Variants in TP53BP1 observed in about 807,000 individuals in gnomAD.
TP53BP1 encodes the protein tumor protein p53 binding protein 1.
Under a neutral mutation model 200.8 loss-of-function variants are expected in TP53BP1, and 61 were observed. The observed-to-expected ratio is 0.30, with a 90% CI of 0.25 to 0.38. The LOEUF is 0.38. TP53BP1 is among the 10% of genes least tolerant of loss of function. The probability of loss-of-function intolerance (pLI) is 1.00; values close to 1 mark genes in which losing one functional copy is unlikely to be tolerated. For synonymous variants in TP53BP1, 822 were observed against 844.3 expected (o/e 0.97, Z 0.46); for missense variants, 2,144 against 2,371.9 (o/e 0.90, Z 2.00).
intron 23 of TP53BP1, among the ~76,000 whole-genome samples, chr15:43,413,560 TAC>T (rs918382457): frequency 8.5e-5 from 13 of 152,228 alleles, no homozygotes; most frequent in African/African-American, 2.7e-4. Flanking sequence ...ATTTAAATTT[TAC>T]ACAGTCATGA....
At position 43,407,273 on chromosome 15, in the gene TP53BP1, AT is replaced by A; in HGVS notation, c.*109del. The A allele has an allele frequency of 1.1e-6, 1 of 879,736 alleles. No individual in the cohort carries two copies. The highest frequency in any genetic ancestry group is 1.8e-6 in the Non-Finnish European group (1 of 563,294). 54.5% of individuals were successfully genotyped at this position (879,736 alleles called of 1,614,324 possible). A position where few individuals can be genotyped will look rare whatever the true frequency, so the allele number is the denominator to read the frequency against. The stretch of plus-strand genomic sequence containing the variant: ...TCATAAAAGTTCAGCAAATAAAACT[AT>A]ATACAAGATCCATGCAAGGAATCCA... On this transcript the variant is annotated 3_prime_UTR_variant, in exon 28 of 28. Coordinates refer to ENST00000382044, the MANE Select transcript of TP53BP1 (RefSeq NM_001141980.3).
intron 17 of TP53BP1, among the ~76,000 whole-genome samples, chr15:43,428,678 C>T (rs866840207): frequency 1.9e-4 from 29 of 152,126 alleles, no homozygotes; most frequent in Admixed American, 3.3e-4. Context: ...AAACAATATA[C>T]ACTGATCTCT....
chr15:43,478,621 A>C (rs1215450695), intron 7 of TP53BP1, among the ~76,000 whole-genome samples: 2 of 152,234 alleles, frequency 1.3e-5, no homozygotes, highest in African/African-American at 4.8e-5. Flanking sequence ...GATGAAGCAG[A>C]GGCACATTCC....
upstream of TP53BP1, among the ~76,000 whole-genome samples, chr15:43,495,495 T>TCACACACACACACACACACACACACACA (rs376410840): frequency 7.5e-6 from 1 of 133,352 alleles, no homozygotes; most frequent in African/African-American, 2.8e-5. Context: ...TGAGACTCCG[T>TCACACACACACACACACACACACACACA]CACACACACA....
rs45573632 is a variant in TP53BP1, at chr15:43,477,864, C to T, written c.789-105G>A. 4.2e-3 allele frequency: 3,511 copies of T among 834,662 alleles called. 10 individuals carry two copies. Among genetic ancestry groups the T allele is most frequent in the Non-Finnish European group, 5.4e-3 (3,036 of 561,662 alleles). The allele number at this position is 834,662 out of a possible 1,614,324, so 51.7% of individuals were successfully genotyped here. ...TTTTTCTTTAATAATTTCAAAAATT[C>T]CAGTGGCTCTAATTTACATAATTAT... On this transcript the variant is annotated intron_variant, in intron 7 of 27. Coordinates refer to ENST00000382044, the MANE Select transcript of TP53BP1 (RefSeq NM_001141980.3).
intron 4 of TP53BP1, among the ~76,000 whole-genome samples, chr15:43,486,726 C>G (rs1019107800): frequency 1.3e-5 from 2 of 152,110 alleles, no homozygotes; most frequent in Admixed American, 6.6e-5. Flanking sequence ...CAGGCTTAAG[C>G]GATCCTCCCA....
intron 14 of TP53BP1, among the ~76,000 whole-genome samples, chr15:43,442,520 CAG>C (rs2045948736): frequency 6.7e-6 from 1 of 150,254 alleles, no homozygotes; most frequent in Admixed American, 6.6e-5. Flanking sequence ...TTTTTGGAGA[CAG>C]AGTCTTACTC....
chr15:43,491,883 GA>G, intron 3 of TP53BP1, 118 bp downstream of exon 3: 1 of 1,071,424 alleles, frequency 9.3e-7, no homozygotes, highest in Non-Finnish European at 1.4e-6. Context: ...CTACTACGCA[GA>G]TACCACAGTA....
chr15:43,421,101 G>C lies in TP53BP1; in HGVS notation c.4174C>G (p.Gln1392Glu). ...EDGDAGLGIRQGGKAPVTPRG... is the reference protein window; with the variant it reads ...EDGDAGLGIREGGKAPVTPRG... ...GGCGTGACTGGAGCCTTCCCTCCCT[G>C]TCTGATGCCAAGGCCTGCATCACCA... Residue 1392 changes from glutamine to glutamate, a missense_variant, in exon 20 of 28, where the codon CAG becomes GAG. Around this residue, in one of 4 missense-constraint regions of TP53BP1, gnomAD observed 1,700 missense variants for 1,710.3 expected, o/e 0.99. Transcript: ENST00000382044. The C allele has an allele frequency of 6.2e-7, 1 of 1,614,204 alleles. No homozygotes were observed. The highest frequency in any genetic ancestry group is 8.5e-7 in the Non-Finnish European group (1 of 1,180,034).
At chr15:43,493,664 C>T (rs2079160265), upstream of TP53BP1, among the ~76,000 whole-genome samples, 1 of 152,096 alleles carries the variant, frequency 6.6e-6, no homozygotes, top group Admixed American at 6.5e-5. Context: ...GGGCCTCTAC[C>T]CTGAATCCAA....
At chr15:43,489,581 T>C (rs943755352) in intron 4 of TP53BP1, among the ~76,000 whole-genome samples, 6 of 152,188 alleles carry the variant, frequency 3.9e-5, no homozygotes, top group African/African-American at 7.2e-5. Flanking sequence ...CAATAATGAA[T>C]TGTAGTGACT....
chr15:43,417,353 C>A (rs1384111278), intron 21 of TP53BP1: 1 of 152,234 alleles, frequency 6.6e-6, no homozygotes, highest in Non-Finnish European at 1.5e-5. Flanking sequence ...GAAAATAACA[C>A]AGAGAAAGCA....
At position 43,405,406 on chromosome 15, in the gene TP53BP1, C is replaced by A; in HGVS notation, c.*1977G>T. The A allele has an allele frequency of 1.6e-6, 1 of 628,316 alleles. No individual in the cohort carries two copies. 38.9% of individuals were successfully genotyped at this position (628,316 alleles called of 1,614,324 possible). Reference sequence around the variant, plus strand: ...TCCCATCATTCCCATGTGGAAGGGTCTCTCCCATCAAGGAGAACATGTGGC... The same window carrying A: ...TCCCATCATTCCCATGTGGAAGGGTATCTCCCATCAAGGAGAACATGTGGC... On this transcript the variant is annotated 3_prime_UTR_variant, in exon 28 of 28. Transcript: ENST00000382044.
At chr15:43,428,266 T>G in intron 17 of TP53BP1, 98 bp from the exon 18 acceptor site, 4 of 1,041,560 alleles carry the variant, frequency 3.8e-6, no homozygotes, top group African/African-American at 1.6e-5. Context: ...AGAGGCTCCA[T>G]GAATCTAGTG....
chr15:43,405,163 A>C lies in TP53BP1; in HGVS notation c.*2220T>G. ...TATTTCTTTGAAGGTAGTCTTGGGA[A>C]AGCATGACACTTAATAAGGCTCTTT... On this transcript the variant is annotated 3_prime_UTR_variant, in exon 28 of 28. Coordinates refer to ENST00000382044, the MANE Select transcript of TP53BP1 (RefSeq NM_001141980.3). 2 of 1,613,238 alleles carry C rather than the reference A, an allele frequency of 1.2e-6. No homozygotes were observed. Among genetic ancestry groups the C allele is most frequent in the Non-Finnish European group, 1.7e-6 (2 of 1,179,372 alleles).
Position 43,405,281 on chromosome 15 carries a change from T to C in TP53BP1, c.*2102A>G. 1.3e-6 allele frequency: 2 copies of C among 1,558,904 alleles called. No individual in the cohort carries two copies. Among genetic ancestry groups the C allele is most frequent in the Non-Finnish European group, 1.8e-6 (2 of 1,130,396 alleles). ...AGGTTGTAACAGAAGATTCAAAACA[T>C]CCCATTCTAGCCACACACAAATAAA... is the stretch of plus-strand genomic sequence containing the variant. On this transcript the variant is annotated 3_prime_UTR_variant, in exon 28 of 28. Coordinates refer to ENST00000382044, the MANE Select transcript of TP53BP1 (RefSeq NM_001141980.3).
chr15:43,475,562 T>G lies in TP53BP1; in HGVS notation c.1085+3A>C. ...TGGCATAAGCTATTTTAGGCTTACT[T>G]ACGTGGAAAGACTGTCCTGAACAAG... On this transcript the variant is annotated splice_donor_region_variant and intron_variant, in intron 9 of 27. Coordinates refer to ENST00000382044, the MANE Select transcript of TP53BP1 (RefSeq NM_001141980.3). 6.2e-7 allele frequency: 1 copy of G among 1,614,072 alleles called. No individual in the cohort carries two copies. The highest frequency in any genetic ancestry group is 8.5e-7 in the Non-Finnish European group (1 of 1,179,984).
chr15:43,490,276 C>A (rs1269541503), intron 4 of TP53BP1, among the ~76,000 whole-genome samples: 3 of 151,886 alleles, frequency 2.0e-5, no homozygotes, highest in African/African-American at 7.3e-5. Flanking sequence ...TTTTAAGAGA[C>A]CGGGTTTCAC....
chr15:43,410,774 C>T lies in TP53BP1; in HGVS notation c.5306-1033G>A, dbSNP rs1566913511. On this transcript the variant is annotated intron_variant, in intron 24 of 27. Coordinates refer to ENST00000382044, the MANE Select transcript of TP53BP1 (RefSeq NM_001141980.3). ...ATGACGGCTCCCCCTTCAGTGCCCT[C>T]GTTGTCTGCTGGAGGAGCTCAGGCA... 5.3e-5 allele frequency among the ~76,000 whole-genome samples: 8 copies of T among 152,276 alleles called. 1 individual carries two copies. In the South Asian group the frequency reaches 1.0e-3, roughly 20 times the overall value.
Sources: allele counts gnomAD v4.1 joint callset (sites outside exome capture counted in the v4.1 genomes callset), GRCh38; gene constraint gnomAD v4.1.1; regional missense constraint gnomAD v4.1.1; transcripts MANE v1.5; gene names NCBI Gene and HGNC (gene_info 2026-07-23, HGNC 2026-07-21).